Variants in PIK3CD observed in about 807,000 individuals in gnomAD.
PIK3CD encodes phosphatidylinositol 4,5-bisphosphate 3-kinase catalytic subunit delta isoform.
Under a neutral mutation model 122.9 loss-of-function variants are expected in PIK3CD, and 20 were observed. That is an observed-to-expected ratio of 0.16 (90% confidence interval 0.11 to 0.24). The LOEUF is 0.24. Among genes scored for constraint, PIK3CD ranks in the 10% least tolerant of loss-of-function variants. PIK3CD has a pLI of 1.00. For synonymous variants in PIK3CD, 596 were observed against 593.4 expected, an observed-to-expected ratio of 1.00 and a Z score of -0.06; for missense variants, 787 against 1,406.3, an observed-to-expected ratio of 0.56 and a Z score of 7.04.
chr1:9,682,085 G>T (rs1645776741), intron 1 of PIK3CD, among the ~76,000 whole-genome samples: 1 of 151,376 alleles, frequency 6.6e-6, no homozygotes, highest in Non-Finnish European at 1.5e-5. Context: ...ACCACGCCTG[G>T]CTAATTTTTG....
At chr1:9,653,801 C>T in intron 1 of PIK3CD, 3 of 1,367,200 alleles carry the variant, frequency 2.2e-6, no homozygotes, top group Non-Finnish European at 2.9e-6. Flanking sequence ...ATTAGGATTC[C>T]AGCCATCTTG....
At chr1:9,658,306 A>G (rs1478876097) in intron 1 of PIK3CD, among the ~76,000 whole-genome samples, 1 of 150,166 alleles carries the variant, frequency 6.7e-6, no homozygotes, top group East Asian at 2.0e-4. Context: ...GGATTACTTG[A>G]GTCCAGGAGT....
chr1:9,701,064 G>A (rs565908102), intron 2 of PIK3CD, among the ~76,000 whole-genome samples: 2 of 152,218 alleles, frequency 1.3e-5, no homozygotes, highest in East Asian at 3.9e-4. Flanking sequence ...AGTTGTGGAT[G>A]AAAATCGCAT....
At chr1:9,655,886 G>A (rs547738572) in intron 1 of PIK3CD, among the ~76,000 whole-genome samples, 6 of 152,030 alleles carry the variant, frequency 3.9e-5, no homozygotes, top group Non-Finnish European at 5.9e-5. Context: ...TAGCAGTGAC[G>A]GTGTTTTGCC....
intron 1 of PIK3CD, among the ~76,000 whole-genome samples, chr1:9,669,426 C>G (rs1246085975): frequency 6.6e-6 from 1 of 152,050 alleles, no homozygotes; most frequent in African/African-American, 2.4e-5. Context: ...CTCAAGAGGT[C>G]CTGAGAAAGT....
chr1:9,672,665 A>G (rs912285096), intron 1 of PIK3CD: 5 of 152,238 alleles, frequency 3.3e-5, no homozygotes, highest in African/African-American at 9.6e-5. Flanking sequence ...GGCTCAAGCA[A>G]TCTTCCCACT....
intron 2 of PIK3CD, among the ~76,000 whole-genome samples, chr1:9,699,194 A>C (rs1646531248): frequency 1.3e-5 from 2 of 152,048 alleles, no homozygotes; most frequent in African/African-American, 4.8e-5. Flanking sequence ...AGGGCGATAG[A>C]ATGAGACCCT....
At chr1:9,661,389 T>G (rs541186669) in intron 1 of PIK3CD, among the ~76,000 whole-genome samples, 14 of 151,920 alleles carry the variant, frequency 9.2e-5, no homozygotes, top group African/African-American at 3.4e-4. Context: ...CAAGGATTTT[T>G]CTTTTCTTTT....
At chr1:9,651,379 C>T (rs557025639), upstream of PIK3CD, among the ~76,000 whole-genome samples, 2 of 152,292 alleles carry the variant, frequency 1.3e-5, no homozygotes, top group Admixed American at 6.5e-5. Context: ...CAGGTTACCC[C>T]CTCTTCTTCT....
At chr1:9,714,272 T>G (rs1647176596) in intron 3 of PIK3CD, among the ~76,000 whole-genome samples, 1 of 152,196 alleles carries the variant, frequency 6.6e-6, no homozygotes, top group African/African-American at 2.4e-5. Flanking sequence ...ATTCTTCATA[T>G]TTGTATTTAT....
intron 1 of PIK3CD, among the ~76,000 whole-genome samples, chr1:9,655,048 C>T (rs1430023083): frequency 7.0e-6 from 1 of 142,236 alleles, no homozygotes; most frequent in East Asian, 2.1e-4. Flanking sequence ...GCCTGGGCAA[C>T]AGAGTGAGAC....
intron 3 of PIK3CD, among the ~76,000 whole-genome samples, chr1:9,713,694 G>C (rs567471409): frequency 6.6e-6 from 1 of 151,978 alleles, no homozygotes; most frequent in Non-Finnish European, 1.5e-5. Context: ...GGGCCCAAGC[G>C]ATCTTCCCAT....
intron 1 of PIK3CD, among the ~76,000 whole-genome samples, chr1:9,686,365 C>CTTTT (rs59087456): frequency 0.025 from 3,404 of 137,652 alleles, 64 homozygotes; most frequent in South Asian, 0.05. Flanking sequence ...GGCTAATTTT[C>CTTTT]TTTTTTTTTT....
rs1648852356 is a variant in PIK3CD at position 9,722,583 on chromosome 1, G to A, written c.2403G>A (p.Trp801Ter). 1 of 1,613,576 alleles carries A rather than the reference G, an allele frequency of 6.2e-7. No homozygotes were observed. The highest frequency in any genetic ancestry group is 1.7e-5 in the Admixed American group (1 of 59,996). ...TGATCCAGCTCATGGACGTCCTGTG[G>A]AAGCAGGAGGGGCTGGACCTGAGGT... ...LQMIQLMDVL[W>*]KQEGLDLRMT... Residue 801 changes from tryptophan to a stop codon, truncating the protein, a stop_gained, in exon 19 of 24, where the codon TGG (tryptophan) becomes TGA (stop). Coordinates refer to ENST00000377346, the MANE Select transcript of PIK3CD (RefSeq NM_005026.5). LOFTEE classifies it high-confidence loss of function. This position sits in a 1 kb window ranked among gnomAD's most constrained non-coding sequence, Gnocchi z 7.6.
Position 9,727,438 on chromosome 1 carries a change from G to A in PIK3CD, c.*392G>A, listed in dbSNP as rs1356153984. Reference sequence around the variant, plus strand: ...GGCGGTCACCTGGTGCCTACTGTCCGACAGGATGCCTTGATCCTCGTGCGA... The same window carrying A: ...GGCGGTCACCTGGTGCCTACTGTCCAACAGGATGCCTTGATCCTCGTGCGA... On this transcript the variant is annotated 3_prime_UTR_variant, in exon 24 of 24. Transcript: ENST00000377346. The A allele has an allele frequency of 1.7e-5, 7 of 407,134 alleles. No individual in the cohort carries two copies. Among genetic ancestry groups the A allele is most frequent in the Middle Eastern group, 7.4e-4 (1 of 1,358 alleles). The allele number at this position is 407,134 out of a possible 1,614,324, so 25.2% of individuals were successfully genotyped here.
chr1:9,629,730 C>T, the PIK3CD span, among the ~76,000 whole-genome samples: 6 of 152,212 alleles, frequency 3.9e-5, 1 homozygote, highest in East Asian at 1.2e-3. Flanking sequence ...AAGCCCCTCG[C>T]CACAGGGTAC....
At chr1:9,686,326 T>TAGGA (rs1645963166) in intron 1 of PIK3CD, among the ~76,000 whole-genome samples, 3 of 151,882 alleles carry the variant, frequency 2.0e-5, no homozygotes, top group Admixed American at 2.0e-4. Context: ...CCTAAGTAGC[T>TAGGA]AGGACTACAG....
intron 3 of PIK3CD, among the ~76,000 whole-genome samples, chr1:9,712,450 T>G (rs1027039511): frequency 6.6e-6 from 1 of 151,966 alleles, no homozygotes; most frequent in Non-Finnish European, 1.5e-5. Flanking sequence ...CCGGCTAATT[T>G]TTGTATTTTT....
intron 1 of PIK3CD, among the ~76,000 whole-genome samples, chr1:9,673,271 A>G (rs1455230915): frequency 6.6e-6 from 1 of 151,090 alleles, no homozygotes; most frequent in Non-Finnish European, 1.5e-5. Flanking sequence ...TATTTTTTTA[A>G]TTTTTTGAAA....
Sources: allele counts gnomAD v4.1 joint callset (sites outside exome capture counted in the v4.1 genomes callset), GRCh38; gene constraint gnomAD v4.1.1; non-coding constraint Gnocchi (gnomAD v3.1); transcripts MANE v1.5; gene names NCBI Gene and HGNC (gene_info 2026-07-23, HGNC 2026-07-21).